Variants in DENND1B observed in about 807,000 individuals in gnomAD.
DENND1B encodes DENN domain-containing protein 1B.
A neutral mutation model predicts 90.1 loss-of-function variants in DENND1B; 59 were observed. The ratio of observed to expected loss-of-function variants is 0.65; its 90% CI spans 0.53 to 0.81. The LOEUF (loss-of-function observed/expected upper bound fraction) is 0.81. Ranked by LOEUF, DENND1B falls within the 40% of genes least tolerant of loss-of-function variation. The pLI is 0.00. For missense variants in DENND1B, 862 were observed against 912.6 expected, an observed-to-expected ratio of 0.94 and a Z score of 0.71; for synonymous variants, 337 against 324.6, an observed-to-expected ratio of 1.04 and a Z score of -0.41.
At chr1:197,650,186 C>G (rs1652972606) in intron 7 of DENND1B, among the ~76,000 whole-genome samples, 1 of 152,074 alleles carries the variant, frequency 6.6e-6, no homozygotes, top group African/African-American at 2.4e-5. Flanking sequence ...TGGCCATAAT[C>G]AAAAAATCAA....
chr1:197,751,887 G>GGGA lies in DENND1B; in HGVS notation c.82+20978_82+20980dup, dbSNP rs757790259. On this transcript the variant is annotated intron_variant, in intron 2 of 22. Transcript: ENST00000620048. ...AGGGGAAGAAGGAGGAGGAGGAGGA[G>GGGA]GGAGGAGGAGGAGGAGGAGGGGAGA... Among the ~76,000 whole-genome samples the GGGA allele has an allele frequency of 3.3e-3, 487 of 146,122 alleles. 9 individuals are homozygous for GGGA. The highest frequency in any genetic ancestry group is 0.031 in the East Asian group (150 of 4,820).
intron 10 of DENND1B, among the ~76,000 whole-genome samples, chr1:197,640,468 G>T: frequency 6.9e-6 from 1 of 144,892 alleles, no homozygotes; most frequent in Non-Finnish European, 1.5e-5. Flanking sequence ...GTGAGACTCT[G>T]TCTCAAAAAA....
intron 5 of DENND1B, among the ~76,000 whole-genome samples, chr1:197,659,825 A>G (rs1416753446): frequency 6.6e-6 from 1 of 152,032 alleles, no homozygotes; most frequent in Non-Finnish European, 1.5e-5. Context: ...TTTTCTTGGA[A>G]TGAAACCCAC....
intron 2 of DENND1B, among the ~76,000 whole-genome samples, chr1:197,719,996 T>C (rs1661007211): frequency 1.3e-5 from 2 of 152,168 alleles, no homozygotes; most frequent in African/African-American, 4.8e-5. Context: ...AATAACACAA[T>C]GCTTTCTGTG....
At chr1:197,777,937 G>T (rs6675292), upstream of DENND1B, among the ~76,000 whole-genome samples, 72,787 of 151,860 alleles carry the variant, frequency 0.48, 18,089 homozygotes, top group East Asian at 0.67. Flanking sequence ...TGATTGTGTT[G>T]TTGACATCTT....
chr1:197,579,964 C>T (rs77209687), intron 15 of DENND1B, among the ~76,000 whole-genome samples: 5,109 of 151,576 alleles, frequency 0.034, 271 homozygotes, highest in African/African-American at 0.11. Flanking sequence ...TTTTCATATT[C>T]TATTTCTGAT....
At chr1:197,605,223 T>C (rs1202336615) in intron 13 of DENND1B, among the ~76,000 whole-genome samples, 1 of 150,982 alleles carries the variant, frequency 6.6e-6, no homozygotes, top group Admixed American at 6.6e-5. Flanking sequence ...GGCCTTTACA[T>C]GTGTGAATAT....
At chr1:197,651,705 G>C (rs1452135214) in intron 7 of DENND1B, among the ~76,000 whole-genome samples, 2 of 132,700 alleles carry the variant, frequency 1.5e-5, no homozygotes, top group East Asian at 4.4e-4. Flanking sequence ...ACCCAGGCTG[G>C]AGTGCAGTAA....
intron 2 of DENND1B, among the ~76,000 whole-genome samples, chr1:197,758,551 G>A (rs1654602240): frequency 1.3e-5 from 2 of 152,136 alleles, no homozygotes; most frequent in South Asian, 4.1e-4. Flanking sequence ...TTTTACAAAT[G>A]TGAAAAATGA....
chr1:197,713,841 ATAT>A (rs1487387497), intron 3 of DENND1B, among the ~76,000 whole-genome samples: 19 of 43,468 alleles, frequency 4.4e-4, no homozygotes, highest in African/African-American at 1.2e-3. Context: ...ATAATATATT[ATAT>A]TATATTATTA....
In DENND1B at chr1:197,593,670, C is replaced by T. The variant is rs190841821; in HGVS notation, c.1047+1538G>A. On this transcript the variant is annotated intron_variant, in intron 14 of 22. Transcript: ENST00000620048. ...TTAATTTCAGTCAGCACCCAACAAACTGATAGTTTAAATCATTTTAGAAAA... is the reference window on the plus strand; with the variant it reads ...TTAATTTCAGTCAGCACCCAACAAATTGATAGTTTAAATCATTTTAGAAAA... Among the ~76,000 whole-genome samples, 899 of 152,036 alleles carry T rather than the reference C, an allele frequency of 5.9e-3. 8 individuals are homozygous for T. The highest frequency in any genetic ancestry group is 0.021 in the African/African-American group (861 of 41,518).
intron 3 of DENND1B, among the ~76,000 whole-genome samples, chr1:197,682,886 T>G (rs1244972366): frequency 2.0e-5 from 3 of 152,228 alleles, no homozygotes; most frequent in Non-Finnish European, 4.4e-5. Context: ...TTAAAAATTT[T>G]GGACTTAATA....
intron 2 of DENND1B, among the ~76,000 whole-genome samples, chr1:197,764,573 T>A (rs1348222370): frequency 6.6e-6 from 1 of 152,080 alleles, no homozygotes; most frequent in East Asian, 1.9e-4. Context: ...TATCAACACG[T>A]ATGGTGGAAA....
intron 11 of DENND1B, among the ~76,000 whole-genome samples, chr1:197,615,819 T>A (rs1403621961): frequency 1.3e-5 from 2 of 151,050 alleles, no homozygotes; most frequent in Non-Finnish European, 3.0e-5. Flanking sequence ...ACTGACTTAC[T>A]CTTTGAACCA....
rs778851962 is a variant in DENND1B at position 197,642,760 on chromosome 1, C to G, written c.623G>C (p.Ser208Thr). 6.2e-7 allele frequency: 1 copy of G among 1,613,728 alleles called. No individual in the cohort carries two copies. Among genetic ancestry groups the G allele is most frequent in the Non-Finnish European group, 8.5e-7 (1 of 1,179,798 alleles). ...CACGATGCGCCTTTCATGCAGCATA[C>G]TGGCATACAGCTGCAGCATGTTGTT... ...DVNNMLQLYA[S>T]MLHERRIVII... The change falls in exon 10 of 23, where the codon AGT becomes ACT. Residue 208 changes from serine to threonine, a missense_variant. Ser to Thr is a moderately conservative substitution (Grantham distance 58, BLOSUM62 1). Transcript: ENST00000620048.
intron 2 of DENND1B, among the ~76,000 whole-genome samples, chr1:197,737,057 T>C (rs1373925193): frequency 1.3e-5 from 2 of 152,208 alleles, no homozygotes; most frequent in African/African-American, 2.4e-5. Context: ...GTCTAAATCA[T>C]ACTTCATCTT....
At chr1:197,630,095 TG>T (rs974475548) in intron 10 of DENND1B, among the ~76,000 whole-genome samples, 7 of 152,098 alleles carry the variant, frequency 4.6e-5, no homozygotes, top group African/African-American at 1.7e-4. Context: ...TCATTTATGG[TG>T]GGAATACAAA....
intron 10 of DENND1B, among the ~76,000 whole-genome samples, chr1:197,641,350 G>A (rs1000809372): frequency 1.3e-5 from 2 of 152,082 alleles, no homozygotes; most frequent in Non-Finnish European, 2.9e-5. Flanking sequence ...TCAATAGTAA[G>A]TTAAAAAATA....
Position 197,508,291 on chromosome 1 carries a change from G to A in DENND1B, c.*2169C>T, listed in dbSNP as rs771638265. On this transcript the variant is annotated 3_prime_UTR_variant, in exon 23 of 23. Transcript: ENST00000620048. ...TTTGCCAAGCAGATTAACAACCAGA[G>A]TAACCTTTTTTCCTTCTGATTTAAA... 3.3e-5 allele frequency: 5 copies of A among 151,602 alleles called. No individual in the cohort carries two copies. Among genetic ancestry groups the A allele is most frequent in the Non-Finnish European group, 7.4e-5 (5 of 67,764 alleles). 9.4% of individuals were successfully genotyped at this position (151,602 alleles called of 1,614,324 possible).
Sources: gnomAD v4.1 joint callset for allele counts (sites outside exome capture counted in the v4.1 genomes callset) on GRCh38, gnomAD v4.1.1 for gene constraint, MANE v1.5 for transcripts, NCBI Gene and HGNC (gene_info 2026-07-23, HGNC 2026-07-21) for gene names.